Variants in SPECC1 observed in about 807,000 individuals in gnomAD.
SPECC1 encodes the protein sperm antigen with calponin homology and coiled-coil domains 1.
SPECC1 carries 62 observed loss-of-function variants against 104.1 expected under a neutral mutation model. That is an observed-to-expected ratio of 0.60 (90% CI 0.49 to 0.74). The LOEUF (loss-of-function observed/expected upper bound fraction) is 0.74, where lower values mean the gene tolerates loss of function less well. Ranked by LOEUF, SPECC1 falls within the 30% of genes least tolerant of loss-of-function variation. The pLI, the probability that SPECC1 is intolerant of heterozygous loss-of-function variation, is 0.00. For synonymous variants in SPECC1, 513 were observed against 501.6 expected, an observed-to-expected ratio of 1.02 and a Z score of -0.30; for missense variants, 1,306 against 1,310.5, an observed-to-expected ratio of 1.00 and a Z score of 0.05.
chr17:20,118,073 C>A (rs988283711), intron 3 of SPECC1, among the ~76,000 whole-genome samples: 1 of 151,882 alleles, frequency 6.6e-6, no homozygotes, highest in African/African-American at 2.4e-5. Context: ...CCACTGCACT[C>A]CGGCCTGGGC....
intron 3 of SPECC1, among the ~76,000 whole-genome samples, chr17:20,114,762 A>G (rs1597737753): frequency 6.6e-6 from 1 of 152,314 alleles, no homozygotes; most frequent in East Asian, 1.9e-4. Context: ...TTCTATATCT[A>G]CATATGCAAA....
At chr17:20,312,333 A>G (rs1014609750) in intron 14 of SPECC1, among the ~76,000 whole-genome samples, 2 of 144,568 alleles carry the variant, frequency 1.4e-5, no homozygotes, top group African/African-American at 5.4e-5. Flanking sequence ...TCTGAAATGT[A>G]TAACATCTTT....
chr17:20,205,308 C>A lies in SPECC1; in HGVS notation c.1259C>A (p.Thr420Lys). 2 of 1,614,114 alleles carry A rather than the reference C, an allele frequency of 1.2e-6. No individual in the cohort carries two copies. The highest frequency in any genetic ancestry group is 1.7e-6 in the Non-Finnish European group (2 of 1,180,028). Reference sequence around the variant, plus strand: ...AATGAGAAGCTGGTGGATGAAAAGACGATTTTAGAGACATCCTTTCATCAG... The same window carrying A: ...AATGAGAAGCTGGTGGATGAAAAGAAGATTTTAGAGACATCCTTTCATCAG... ...AENEKLVDEK[T>K]ILETSFHQHR... The change falls in exon 4 of 15, where the codon ACG (threonine) becomes AAG (lysine). Residue 420 changes from threonine to lysine, a missense_variant. Thr to Lys is a moderately conservative substitution (Grantham distance 78). Coordinates refer to ENST00000395527, the MANE Select transcript of SPECC1 (RefSeq NM_001243439.2).
intron 1 of SPECC1, among the ~76,000 whole-genome samples, chr17:20,035,268 C>T (rs1248496425): frequency 6.6e-6 from 1 of 152,088 alleles, no homozygotes; most frequent in Non-Finnish European, 1.5e-5. Context: ...TACTCTAGTT[C>T]CTTTGCATAT....
At chr17:20,075,431 C>G (rs1257190014) in intron 1 of SPECC1, among the ~76,000 whole-genome samples, 2 of 152,156 alleles carry the variant, frequency 1.3e-5, no homozygotes, top group African/African-American at 4.8e-5. Flanking sequence ...AGCTCATGCT[C>G]TGATACGGCA....
chr17:20,267,204 C>G (rs1465831106), intron 12 of SPECC1, among the ~76,000 whole-genome samples: 1 of 152,162 alleles, frequency 6.6e-6, no homozygotes, highest in Admixed American at 6.6e-5. Context: ...ATAAGTCACT[C>G]CTGGAAAGGC....
At chr17:20,056,416 G>C (rs1056271369) in intron 1 of SPECC1, 1 of 186,470 alleles carries the variant, frequency 5.4e-6, no homozygotes, top group African/African-American at 2.4e-5. Flanking sequence ...GGGCGAGGCC[G>C]CTTGTATCAT....
At chr17:20,132,389 T>C (rs2049692079) in intron 3 of SPECC1, among the ~76,000 whole-genome samples, 1 of 152,250 alleles carries the variant, frequency 6.6e-6, no homozygotes, top group Non-Finnish European at 1.5e-5. Context: ...AGGATAATAC[T>C]ACTTCATAAA....
intron 7 of SPECC1, chr17:20,239,211 T>C: frequency 1.1e-5 from 11 of 1,018,062 alleles, no homozygotes; most frequent in Non-Finnish European, 1.3e-5. Flanking sequence ...AATAGATTGA[T>C]GATTTAATGT....
At chr17:20,301,353 A>G (rs779191740) in intron 13 of SPECC1, among the ~76,000 whole-genome samples, 6 of 151,962 alleles carry the variant, frequency 3.9e-5, no homozygotes, top group South Asian at 2.1e-4. Flanking sequence ...GATGAGAGGC[A>G]CATGTGTCCA....
At position 20,314,988 on chromosome 17, in the gene SPECC1, CAGT is replaced by C. The variant is rs2042020793; in HGVS notation, c.*926_*928del. 1 of 232,790 alleles carries C rather than the reference CAGT, an allele frequency of 4.3e-6. No individual in the cohort carries two copies. Among genetic ancestry groups the C allele is most frequent in the Non-Finnish European group, 8.5e-6 (1 of 117,810 alleles). 14.4% of individuals were successfully genotyped at this position (232,790 alleles called of 1,614,324 possible). On this transcript the variant is annotated 3_prime_UTR_variant, in exon 15 of 15. Coordinates refer to ENST00000395527, the MANE Select transcript of SPECC1 (RefSeq NM_001243439.2). ...GCTCCTGAGCAGCTCGCGGCTTTCA[CAGT>C]AGGGAAACCGCAGTCCTCGTCACCT...
At chr17:20,207,583 A>G (rs143740338) in intron 4 of SPECC1, among the ~76,000 whole-genome samples, 244 of 152,338 alleles carry the variant, frequency 1.6e-3, no homozygotes, top group African/African-American at 5.4e-3. Flanking sequence ...TGACATCTTA[A>G]AAATAGCTTA....
chr17:20,114,316 C>A (rs574859997), intron 3 of SPECC1, among the ~76,000 whole-genome samples: 2 of 151,968 alleles, frequency 1.3e-5, no homozygotes, highest in African/African-American at 2.4e-5. Flanking sequence ...CTCAGCCTCT[C>A]GAGTAGCTGG....
chr17:20,156,284 C>CA lies in SPECC1; in HGVS notation c.283+45722_283+45723insA, dbSNP rs558898635. ...GCGCCGCAGCCGCAACCCCACCCCCCCTCCAGGCGCCCTTCCCCCACCGCC... is the reference window on the plus strand; with the variant it reads ...GCGCCGCAGCCGCAACCCCACCCCCCACTCCAGGCGCCCTTCCCCCACCGCC... On this transcript the variant is annotated intron_variant, in intron 3 of 14. Coordinates refer to ENST00000395527, the MANE Select transcript of SPECC1 (RefSeq NM_001243439.2). 5.2e-5 allele frequency: 67 copies of CA among 1,293,454 alleles called. 1 individual carries two copies. Among genetic ancestry groups the CA allele is most frequent in the Middle Eastern group, 2.7e-4 (1 of 3,658 alleles). 80.1% of individuals were successfully genotyped at this position (1,293,454 alleles called of 1,614,324 possible). A position where few individuals can be genotyped will look rare whatever the true frequency, so the allele number is the denominator to read the frequency against.
chr17:20,112,671 A>T, intron 3 of SPECC1: 1 of 1,001,220 alleles, frequency 1.0e-6, no homozygotes, highest in South Asian at 1.3e-5. Flanking sequence ...CTCTGTTCTA[A>T]TGTAGAAGGA....
At chr17:20,091,290 C>G (rs1406515932) in intron 1 of SPECC1, among the ~76,000 whole-genome samples, 1 of 152,184 alleles carries the variant, frequency 6.6e-6, no homozygotes, top group Non-Finnish European at 1.5e-5. Context: ...GTCTGGGATT[C>G]CGTCAGCTGC....
intron 10 of SPECC1, among the ~76,000 whole-genome samples, chr17:20,255,317 G>T (rs1179007282): frequency 6.6e-6 from 1 of 152,184 alleles, no homozygotes; most frequent in Non-Finnish European, 1.5e-5. Context: ...GAGTGGAGGA[G>T]ACCAGAGCAC....
At chr17:20,108,338 A>G (rs1285582374) in intron 2 of SPECC1, among the ~76,000 whole-genome samples, 1 of 152,164 alleles carries the variant, frequency 6.6e-6, no homozygotes, top group Non-Finnish European at 1.5e-5. Context: ...GTTTTAATGA[A>G]GCACAGCATA....
Position 20,110,508 on chromosome 17 carries a change from G to A in SPECC1, c.229G>A (p.Ala77Thr), listed in dbSNP as rs771834650. Residue 77 changes from alanine (A) to threonine (T), a missense_variant, in exon 3 of 15, where the codon GCC (alanine) becomes ACC (threonine). This residue lies in a region of SPECC1 where 1,177 missense variants were observed against 1,139.9 expected (regional missense o/e 1.03). Coordinates refer to ENST00000395527, the MANE Select transcript of SPECC1 (RefSeq NM_001243439.2). ...ASGVVRLKKT[A>T]TAGAISELTE... is the part of the protein sequence containing the mutation. ...GGGGGTGGTTCGCCTGAAGAAGACC[G>A]CCACTGCCGGAGCCATCTCGGAGCT... 15 of 1,613,884 alleles carry A rather than the reference G, an allele frequency of 9.3e-6. No individual in the cohort carries two copies. The highest frequency in any genetic ancestry group is 1.2e-5 in the Non-Finnish European group (14 of 1,180,006).
Sources: gnomAD v4.1 joint callset for allele counts (sites outside exome capture counted in the v4.1 genomes callset) on GRCh38, gnomAD v4.1.1 for gene constraint, gnomAD v4.1.1 regional missense constraint, MANE v1.5 for transcripts, NCBI Gene and HGNC (gene_info 2026-07-23, HGNC 2026-07-21) for gene names.